Variants in OLA1 observed in about 807,000 individuals in gnomAD.
OLA1 encodes obg-like ATPase 1.
In OLA1, 14 loss-of-function variants were observed where a neutral mutation model predicts 48.4. The ratio of observed to expected loss-of-function variants is 0.29; its 90% CI spans 0.19 to 0.45. The LOEUF (loss-of-function observed/expected upper bound fraction) is 0.45. Among genes scored for constraint, OLA1 ranks in the 20% least tolerant of loss-of-function variants. OLA1 has a pLI of 1.00. For missense variants in OLA1, 325 were observed against 467.1 expected (o/e 0.70, Z 2.80); for synonymous variants, 127 against 150.4 (o/e 0.84, Z 1.14).
At chr2:174,131,343 A>G (rs1488813755) in intron 5 of OLA1, among the ~76,000 whole-genome samples, 1 of 152,116 alleles carries the variant, frequency 6.6e-6, no homozygotes, top group Admixed American at 6.5e-5. Context: ...ATAGTGCACA[A>G]TTTATACATT....
intron 4 of OLA1, among the ~76,000 whole-genome samples, chr2:174,193,251 A>G (rs1435226137): frequency 6.6e-6 from 1 of 151,878 alleles, no homozygotes; most frequent in East Asian, 1.9e-4. Context: ...CACCATGCCC[A>G]GCTAATTTCT....
At chr2:174,241,640 TG>T (rs1473696939) in intron 2 of OLA1, among the ~76,000 whole-genome samples, 1 of 152,222 alleles carries the variant, frequency 6.6e-6, no homozygotes, top group Non-Finnish European at 1.5e-5. Context: ...AATCGTTTTT[TG>T]TTTTTTCTTT....
intron 4 of OLA1, among the ~76,000 whole-genome samples, chr2:174,212,009 G>C (rs573375890): frequency 7.5e-6 from 1 of 133,746 alleles, no homozygotes; most frequent in Non-Finnish European, 1.7e-5. Context: ...AAGGCAAACA[G>C]TGCTGTTTTT....
At chr2:174,224,213 C>T (rs754878549) in intron 3 of OLA1, among the ~76,000 whole-genome samples, 5 of 152,184 alleles carry the variant, frequency 3.3e-5, no homozygotes, top group Non-Finnish European at 7.3e-5. Flanking sequence ...ACCAAATCCA[C>T]TAAAACCACA....
At chr2:174,246,892 A>G (rs1689137575) in intron 1 of OLA1, 77 bp from the exon 2 acceptor site, 1 of 782,274 alleles carries the variant, frequency 1.3e-6, no homozygotes, top group Non-Finnish European at 2.2e-6. Flanking sequence ...ATCACATACA[A>G]TATATTATTG....
intron 4 of OLA1, among the ~76,000 whole-genome samples, chr2:174,196,049 G>A (rs1687873006): frequency 6.6e-6 from 1 of 152,010 alleles, no homozygotes; most frequent in Non-Finnish European, 1.5e-5. Flanking sequence ...AGAATGCATT[G>A]GTATGGTTCT....
chr2:174,215,802 T>A (rs140808552), intron 4 of OLA1, among the ~76,000 whole-genome samples: 1 of 152,234 alleles, frequency 6.6e-6, no homozygotes, highest in African/African-American at 2.4e-5. Context: ...TGTACTACCA[T>A]AATTATTTCA....
intron 4 of OLA1, among the ~76,000 whole-genome samples, chr2:174,216,082 G>T (rs994613053): frequency 6.6e-6 from 1 of 152,014 alleles, no homozygotes; most frequent in Non-Finnish European, 1.5e-5. Context: ...GACTGCTTGA[G>T]CCCAGGAGTT....
intron 9 of OLA1, chr2:174,079,296 C>T (rs1021558108): frequency 6.5e-5 from 23 of 353,068 alleles, no homozygotes; most frequent in East Asian, 1.7e-4. Flanking sequence ...ATTAAAGAAG[C>T]GTGGCTTTGT....
intron 4 of OLA1, among the ~76,000 whole-genome samples, chr2:174,187,972 G>A (rs1687691492): frequency 6.6e-6 from 1 of 152,100 alleles, no homozygotes; most frequent in South Asian, 2.1e-4. Context: ...CCTTATATAT[G>A]CAAAATATAT....
At chr2:174,092,661 C>G (rs1207947047) in intron 7 of OLA1, among the ~76,000 whole-genome samples, 1 of 151,984 alleles carries the variant, frequency 6.6e-6, no homozygotes, top group Non-Finnish European at 1.5e-5. Context: ...GACTCTGTCT[C>G]AAAAAGAACA....
At chr2:174,166,826 G>C (rs1687176408) in intron 4 of OLA1, among the ~76,000 whole-genome samples, 1 of 151,994 alleles carries the variant, frequency 6.6e-6, no homozygotes, top group East Asian at 1.9e-4. Context: ...CCACCTTATG[G>C]CCCCAAATTA....
In OLA1 at chr2:174,081,180, G is replaced by A. The variant is rs755021266; in HGVS notation, c.938C>T (p.Pro313Leu). The change falls in exon 9 of 11, where the codon CCA becomes CTA. Residue 313 changes from proline (P) to leucine (L), a missense_variant. Pro to Leu is a moderately conservative substitution (Grantham distance 98, BLOSUM62 -3). Transcript: ENST00000284719. ...GATGGTCCATGCACGCACTTCATCT[G>A]GGCCTGCAGTGAAAAAGTATTCTAG... Reference protein sequence around the residue: ...LQLEYFFTAGPDEVRAWTIRK... With the variant: ...LQLEYFFTAGLDEVRAWTIRK... 1 of 1,612,178 alleles carries A rather than the reference G, an allele frequency of 6.2e-7. No homozygotes were observed. The highest frequency in any genetic ancestry group is 1.1e-5 in the South Asian group (1 of 91,010).
At position 174,133,373 on chromosome 2, in the gene OLA1, CT is replaced by C. The variant is rs199938086; in HGVS notation, c.549+8451del. On this transcript the variant is annotated intron_variant, in intron 5 of 10. Transcript: ENST00000284719. ...GTTTTGACATACAATATTTTCTTTTCTTTCTGAGACACAGACTCACTCTCTC... is the reference window on the plus strand; with the variant it reads ...GTTTTGACATACAATATTTTCTTTTCTTCTGAGACACAGACTCACTCTCTC... 7.7e-3 allele frequency among the ~76,000 whole-genome samples: 1,172 copies of C among 152,122 alleles called. 9 individuals are homozygous for C. Among genetic ancestry groups the C allele is most frequent in the African/African-American group, 0.027 (1,135 of 41,484 alleles).
intron 4 of OLA1, among the ~76,000 whole-genome samples, chr2:174,163,928 C>G (rs1188264779): frequency 6.6e-6 from 1 of 151,454 alleles, no homozygotes; most frequent in Non-Finnish European, 1.5e-5. Flanking sequence ...GGCTGTGTCC[C>G]CAACCAAATC....
chr2:174,247,595 C>T, intron 1 of OLA1: 1 of 1,542,004 alleles, frequency 6.5e-7, no homozygotes, highest in Non-Finnish European at 8.8e-7. Context: ...CACACCAAAC[C>T]ATTCCTCTAT....
At chr2:174,209,522 T>C (rs541091640) in intron 4 of OLA1, among the ~76,000 whole-genome samples, 9 of 152,156 alleles carry the variant, frequency 5.9e-5, no homozygotes, top group Admixed American at 4.6e-4. Context: ...AGCTGCCAAA[T>C]CAAGGGTCAG....
intron 4 of OLA1, among the ~76,000 whole-genome samples, chr2:174,147,813 ATTGT>A (rs1224916720): frequency 4.7e-5 from 7 of 149,888 alleles, no homozygotes; most frequent in South Asian, 2.1e-4. Flanking sequence ...AGTCTTTTTT[ATTGT>A]TTGTTTGTTT....
At chr2:174,080,477 G>A (rs1352349634) in intron 9 of OLA1, among the ~76,000 whole-genome samples, 2 of 151,844 alleles carry the variant, frequency 1.3e-5, no homozygotes, top group Admixed American at 6.6e-5. Flanking sequence ...AAATTTAAAA[G>A]CAAACCATTA....
Sources: gnomAD v4.1 joint callset for allele counts (sites outside exome capture counted in the v4.1 genomes callset) on GRCh38, gnomAD v4.1.1 for gene constraint, MANE v1.5 for transcripts, NCBI Gene and HGNC (gene_info 2026-07-23, HGNC 2026-07-21) for gene names.